The following TERF2 variants were observed in gnomAD, a reference collection of about 807,000 sequenced individuals.
The protein encoded by TERF2 is telomeric repeat binding factor 2.
In TERF2, 16 loss-of-function variants were observed where a neutral mutation model predicts 56.1. That is an observed-to-expected ratio of 0.29 (90% CI 0.19 to 0.43). TERF2 has a LOEUF of 0.43. Ranked by LOEUF, TERF2 falls within the 20% of genes least tolerant of loss-of-function variation. The pLI, the probability that TERF2 is intolerant of heterozygous loss-of-function variation, is 1.00. For synonymous variants in TERF2, 296 were observed against 282.1 expected, an observed-to-expected ratio of 1.05 and a Z score of -0.50; for missense variants, 547 against 712.9, an observed-to-expected ratio of 0.77 and a Z score of 2.65.
chr16:69,366,165 G>A (rs2013336849), intron 7 of TERF2: 1 of 152,312 alleles, frequency 6.6e-6, no homozygotes, highest in South Asian at 2.1e-4. Context: ...GTCCACTGTG[G>A]GGAATGAGAG....
At chr16:69,385,535 G>A (rs756666053) in intron 1 of TERF2, 49 bp from the exon 2 acceptor site, 1 of 1,609,656 alleles carries the variant, frequency 6.2e-7, no homozygotes, top group Admixed American at 1.7e-5. Context: ...CCCGACTCCC[G>A]GTCCCCCGGA....
At chr16:69,368,669 CTT>C in intron 5 of TERF2, 187 bp from the exon 6 acceptor site, 1 of 1,440,142 alleles carries the variant, frequency 6.9e-7, no homozygotes, top group Non-Finnish European at 9.3e-7. Context: ...TTTATTCAAA[CTT>C]AAGATAACTA....
chr16:69,371,870 G>A (rs1316891122), intron 4 of TERF2, among the ~76,000 whole-genome samples: 2 of 151,990 alleles, frequency 1.3e-5, no homozygotes. Flanking sequence ...AAAAGCAGGG[G>A]ACCAACAGAA....
intron 7 of TERF2, chr16:69,365,576 T>G (rs1239926698): frequency 4.6e-5 from 7 of 152,256 alleles, no homozygotes; most frequent in Admixed American, 2.0e-4. Flanking sequence ...CAGCCTGGAG[T>G]GCAGTGGTGC....
intron 3 of TERF2, among the ~76,000 whole-genome samples, chr16:69,374,413 T>C (rs181483752): frequency 8.2e-4 from 124 of 151,892 alleles, no homozygotes; most frequent in African/African-American, 2.9e-3. Flanking sequence ...GAGGATCACT[T>C]GAGGCCAGGA....
Position 69,370,501 on chromosome 16 carries a change from G to A in TERF2, c.822C>T (p.Ala274=), listed in dbSNP as rs772859112. 161 of 1,614,074 alleles carry A rather than the reference G, an allele frequency of 1.0e-4. No homozygotes were observed. The highest frequency in any genetic ancestry group is 1.3e-4 in the Non-Finnish European group (154 of 1,180,038). Residue 274 remains alanine, a synonymous_variant, in exon 5 of 10, where the codon GCC becomes GCT. Coordinates refer to ENST00000254942, the MANE Select transcript of TERF2 (RefSeq NM_005652.5). Reference sequence around the variant, plus strand: ...GGCGCACCGTGAGGAGGTAGGGCTCGGCGTCATCCAGGTGGCTCTCCAGGA... The same window carrying A: ...GGCGCACCGTGAGGAGGTAGGGCTCAGCGTCATCCAGGTGGCTCTCCAGGA... ...LRFLESHLDD[A]EPYLLTMAKK... is the part of the protein sequence containing the mutation.
chr16:69,368,965 C>T (rs1483909204), intron 5 of TERF2, among the ~76,000 whole-genome samples: 1 of 152,086 alleles, frequency 6.6e-6, no homozygotes, highest in Non-Finnish European at 1.5e-5. Context: ...CATGAGCCAC[C>T]ATGCCCGGCA....
chr16:69,367,300 A>G, intron 6 of TERF2, 101 bp from the exon 7 acceptor site: 3 of 1,289,258 alleles, frequency 2.3e-6, no homozygotes, highest in Non-Finnish European at 3.2e-6. Flanking sequence ...ATTCCAGTTG[A>G]GGAGGCTTTA....
At chr16:69,364,287 C>T (rs1270433351) in intron 7 of TERF2, among the ~76,000 whole-genome samples, 1 of 152,160 alleles carries the variant, frequency 6.6e-6, no homozygotes, top group African/African-American at 2.4e-5. Context: ...GCAGCGGTCT[C>T]CAGTCTCCAG....
At chr16:69,367,497 C>T (rs1285424860) in intron 6 of TERF2, among the ~76,000 whole-genome samples, 2 of 152,110 alleles carry the variant, frequency 1.3e-5, no homozygotes, top group East Asian at 3.9e-4. Flanking sequence ...AAGCGATCCA[C>T]CCACCTCGGC....
chr16:69,368,321 C>T, intron 6 of TERF2, 55 bp downstream of exon 6: 4 of 1,558,816 alleles, frequency 2.6e-6, no homozygotes, highest in Non-Finnish European at 3.5e-6. Context: ...GAGGAGACTG[C>T]TTCCAGCGAC....
chr16:69,361,251 A>AC (rs2013127025), intron 8 of TERF2, 153 bp downstream of exon 8: 1 of 639,828 alleles, frequency 1.6e-6, no homozygotes, highest in Non-Finnish European at 2.7e-6. Context: ...AAAAAAAAAA[A>AC]AACTGATTCT....
At chr16:69,380,093 G>A (rs984337290) in intron 3 of TERF2, among the ~76,000 whole-genome samples, 4 of 151,572 alleles carry the variant, frequency 2.6e-5, no homozygotes, top group African/African-American at 9.7e-5. Flanking sequence ...TTGTATTTTT[G>A]GTAGAGACAG....
intron 3 of TERF2, among the ~76,000 whole-genome samples, chr16:69,380,002 C>T (rs1452187048): frequency 1.3e-5 from 2 of 152,018 alleles, no homozygotes; most frequent in Admixed American, 1.3e-4. Context: ...GCCTCCTCGC[C>T]TCCTGGGTTC....
At chr16:69,360,502 G>A (rs555286770) in intron 8 of TERF2, among the ~76,000 whole-genome samples, 5 of 152,034 alleles carry the variant, frequency 3.3e-5, no homozygotes, top group Admixed American at 2.6e-4. Flanking sequence ...CCAGGAGTTC[G>A]AGATCATACT....
chr16:69,368,025 T>C (rs1279427621), intron 6 of TERF2, among the ~76,000 whole-genome samples: 1 of 152,206 alleles, frequency 6.6e-6, no homozygotes, highest in Non-Finnish European at 1.5e-5. Context: ...ACCCCTGCTT[T>C]AGGAACTGGT....
chr16:69,361,556 C>G (rs1480261617), intron 7 of TERF2, 67 bp from the exon 8 acceptor site: 2 of 1,150,924 alleles, frequency 1.7e-6, no homozygotes, highest in Non-Finnish European at 2.6e-6. Context: ...AGATTCTGGT[C>G]TTGGCTCACT....
At chr16:69,361,330 T>C (rs1441173942) in intron 8 of TERF2, 74 bp downstream of exon 8, 1 of 1,059,304 alleles carries the variant, frequency 9.4e-7, no homozygotes, top group Non-Finnish European at 1.5e-6. Context: ...GCTTCTGGAA[T>C]ATTAACATGA....
intron 3 of TERF2, among the ~76,000 whole-genome samples, chr16:69,379,476 C>A (rs949707761): frequency 7.2e-5 from 11 of 152,164 alleles, no homozygotes; most frequent in East Asian, 1.9e-4. Flanking sequence ...CTAAAGAAAC[C>A]TAACAGATCA....
Sources: gnomAD v4.1 joint callset for allele counts (sites outside exome capture counted in the v4.1 genomes callset) on GRCh38, gnomAD v4.1.1 for gene constraint, MANE v1.5 for transcripts, NCBI Gene and HGNC (gene_info 2026-07-23, HGNC 2026-07-21) for gene names.